The following TANC1 variants were observed in gnomAD, a reference collection of about 807,000 sequenced individuals.
The protein encoded by TANC1 is protein TANC1.
Under a neutral mutation model 149.7 loss-of-function variants are expected in TANC1, and 77 were observed. The observed-to-expected ratio is 0.51, with a 90% CI of 0.43 to 0.62. TANC1 has a LOEUF of 0.62. TANC1 is among the 20% of genes least tolerant of loss of function. TANC1 has a pLI of 0.00. For synonymous variants in TANC1, 854 were observed against 925.0 expected, an observed-to-expected ratio of 0.92 and a Z score of 1.39; for missense variants, 1,985 against 2,321.8, an observed-to-expected ratio of 0.85 and a Z score of 2.98.
intron 4 of TANC1, among the ~76,000 whole-genome samples, chr2:159,110,354 T>C (rs1299471860): frequency 1.3e-5 from 2 of 152,250 alleles, no homozygotes; most frequent in Non-Finnish European, 2.9e-5. Flanking sequence ...AAGGAGGCAC[T>C]GCTGTACAGT....
chr2:159,164,627 G>T (rs537673458), intron 8 of TANC1, among the ~76,000 whole-genome samples: 3 of 152,314 alleles, frequency 2.0e-5, no homozygotes, highest in African/African-American at 7.2e-5. Flanking sequence ...TGTTATCAGT[G>T]TAGCACTTAA....
intron 19 of TANC1, among the ~76,000 whole-genome samples, chr2:159,216,644 C>T (rs1227610006): frequency 1.3e-5 from 2 of 152,100 alleles, no homozygotes; most frequent in Non-Finnish European, 2.9e-5. Flanking sequence ...AGTACCCCGC[C>T]TCGTTGTCCT....
At chr2:159,134,229 T>C (rs1460018303) in intron 4 of TANC1, among the ~76,000 whole-genome samples, 2 of 152,190 alleles carry the variant, frequency 1.3e-5, no homozygotes, top group African/African-American at 4.8e-5. Context: ...GTGGTCTTGC[T>C]AAAAGCCACT....
At chr2:159,180,679 C>T (rs572705630) in intron 14 of TANC1, among the ~76,000 whole-genome samples, 3 of 152,172 alleles carry the variant, frequency 2.0e-5, no homozygotes, top group Non-Finnish European at 2.9e-5. Context: ...GCCATTTTCC[C>T]AAGACACCTG....
chr2:159,221,346 A>G (rs1302721783), intron 22 of TANC1, among the ~76,000 whole-genome samples: 2 of 152,014 alleles, frequency 1.3e-5, no homozygotes, highest in Non-Finnish European at 2.9e-5. Context: ...ATACCATTGC[A>G]CTCCAGCCTG....
intron 13 of TANC1, 83 bp downstream of exon 13, chr2:159,176,601 AAC>A: frequency 9.1e-7 from 1 of 1,100,560 alleles, no homozygotes; most frequent in East Asian, 2.6e-5. Flanking sequence ...AACTGTTGTA[AAC>A]CATTCAGCTG....
rs142658280 is a variant in TANC1, at chr2:159,098,283, G to T, written c.259+449G>T. On this transcript the variant is annotated intron_variant, in intron 4 of 26. Coordinates refer to ENST00000263635, the MANE Select transcript of TANC1 (RefSeq NM_033394.3). ...GCCACTACATTAATAGTTGCCTACT[G>T]CATTCAGTATAGTAACGTGCTGTAC... 4.6e-3 allele frequency among the ~76,000 whole-genome samples: 700 copies of T among 152,276 alleles called. 7 individuals are homozygous for T. The highest frequency in any genetic ancestry group is 0.015 in the African/African-American group (629 of 41,548).
chr2:159,196,601 C>T lies in TANC1; in HGVS notation c.2980-7C>T. The T allele has an allele frequency of 6.3e-7, 1 of 1,592,796 alleles. No homozygotes were observed. Among genetic ancestry groups the T allele is most frequent in the Non-Finnish European group, 8.6e-7 (1 of 1,166,408 alleles). ...CAGCTGTAACCTTCCCCTACTCCTG[C>T]CCCCAGGTGGACCACTTGGATAAGA... On this transcript the variant is annotated splice_polypyrimidine_tract_variant and splice_region_variant and intron_variant, in intron 17 of 26. Coordinates refer to ENST00000263635, the MANE Select transcript of TANC1 (RefSeq NM_033394.3).
intron 2 of TANC1, among the ~76,000 whole-genome samples, chr2:159,011,527 ATTTTTT>A (rs10586189): frequency 3.7e-4 from 40 of 106,742 alleles, no homozygotes; most frequent in South Asian, 1.1e-3. Context: ...TACACCTTAA[ATTTTTT>A]TTTTTTTTTT....
chr2:159,130,016 C>T (rs1230016708), intron 4 of TANC1, among the ~76,000 whole-genome samples: 5 of 152,066 alleles, frequency 3.3e-5, no homozygotes, highest in Non-Finnish European at 7.4e-5. Flanking sequence ...GCTGGAAAAG[C>T]GGCGGCAGCA....
intron 2 of TANC1, among the ~76,000 whole-genome samples, chr2:159,032,325 G>C (rs1418847044): frequency 6.6e-6 from 1 of 152,198 alleles, no homozygotes; most frequent in African/African-American, 2.4e-5. Flanking sequence ...CACAGAGACA[G>C]CACATTGCAG....
Position 159,175,116 on chromosome 2 carries a change from C to T in TANC1, c.1667C>T (p.Ser556Phe). 6.2e-7 allele frequency: 1 copy of T among 1,614,212 alleles called. No individual in the cohort carries two copies. The highest frequency in any genetic ancestry group is 2.2e-5 in the East Asian group (1 of 44,888). Residue 556 changes from serine to phenylalanine, a missense_variant, in exon 12 of 27, where the codon TCC (serine) becomes TTC (phenylalanine). Around this residue, in one of 3 missense-constraint regions of TANC1, gnomAD observed 508 missense variants for 714.2 expected, o/e 0.71. Transcript: ENST00000263635. Reference sequence around the variant, plus strand: ...CTACAGAGCATGCTGAGCCTCCGATCCTGTGTGCAGGACCCGGTGGCAGCT... The same window carrying T: ...CTACAGAGCATGCTGAGCCTCCGATTCTGTGTGCAGGACCCGGTGGCAGCT... ...PQLQSMLSLR[S>F]CVQDPVAAFK...
intron 8 of TANC1, among the ~76,000 whole-genome samples, chr2:159,164,941 C>A (rs1185448066): frequency 6.6e-6 from 1 of 152,204 alleles, no homozygotes; most frequent in Non-Finnish European, 1.5e-5. Flanking sequence ...CTTCCACAAG[C>A]TTTCCTGTCC....
At chr2:159,132,370 C>T (rs1473297946) in intron 4 of TANC1, among the ~76,000 whole-genome samples, 1 of 152,100 alleles carries the variant, frequency 6.6e-6, no homozygotes, top group Non-Finnish European at 1.5e-5. Context: ...GGTCTTTGTG[C>T]GTGGATTTTC....
At chr2:159,079,870 C>A (rs1312554669) in intron 3 of TANC1, among the ~76,000 whole-genome samples, 1 of 152,164 alleles carries the variant, frequency 6.6e-6, no homozygotes, top group Non-Finnish European at 1.5e-5. Flanking sequence ...TTGAAAATAT[C>A]CTTTTGCCCC....
intron 3 of TANC1, among the ~76,000 whole-genome samples, chr2:159,082,303 C>T (rs1027196882): frequency 4.0e-5 from 6 of 151,852 alleles, no homozygotes; most frequent in Admixed American, 1.3e-4. Context: ...AACCCTGTAC[C>T]GAGGGCTCCT....
intron 2 of TANC1, among the ~76,000 whole-genome samples, chr2:159,007,946 G>A (rs2037382099): frequency 6.6e-6 from 1 of 152,132 alleles, no homozygotes. Context: ...ATATTTGCTG[G>A]TACATTAATC....
chr2:159,172,235 G>A lies in TANC1; in HGVS notation c.1466G>A (p.Arg489Lys), dbSNP rs925110319. Residue 489 changes from arginine (R) to lysine (K), a missense_variant, in exon 11 of 27, where the codon AGA becomes AAA. Arg to Lys is a conservative substitution (Grantham distance 26, BLOSUM62 2). Around this residue, in one of 3 missense-constraint regions of TANC1, gnomAD observed 557 missense variants for 612.9 expected, o/e 0.91. Transcript: ENST00000263635. ...GGGTCTATCAGTGCTGAAAACCAGA[G>A]ACCAAGAGAGGATGCAGTGAAATAT... ...PLGSISAENQ[R>K]PREDAVKYLA... 1 of 1,614,006 alleles carries A rather than the reference G, an allele frequency of 6.2e-7. No individual in the cohort carries two copies.
chr2:159,127,367 G>A (rs769758442), intron 4 of TANC1, among the ~76,000 whole-genome samples: 3 of 152,210 alleles, frequency 2.0e-5, no homozygotes, highest in Non-Finnish European at 4.4e-5. Context: ...TCCTGGGAAT[G>A]TAAATTAGTT....
Sources: gnomAD v4.1 joint callset for allele counts (sites outside exome capture counted in the v4.1 genomes callset) on GRCh38, gnomAD v4.1.1 for gene constraint, gnomAD v4.1.1 regional missense constraint, MANE v1.5 for transcripts, NCBI Gene and HGNC (gene_info 2026-07-23, HGNC 2026-07-21) for gene names.